CACNA1H: variants seen among roughly 807,000 people sequenced by gnomAD.
The protein encoded by CACNA1H is voltage-dependent T-type calcium channel subunit alpha-1H.
Under a neutral mutation model 192.5 loss-of-function variants are expected in CACNA1H, and 149 were observed. The ratio of observed to expected loss-of-function variants is 0.77; its 90% CI spans 0.68 to 0.89. The LOEUF is 0.89. Among genes scored for constraint, CACNA1H ranks in the 40% least tolerant of loss-of-function variants. The pLI is 0.00. For synonymous variants in CACNA1H, 2,202 were observed against 1,475.2 expected (o/e 1.49, Z -11.29); for missense variants, 4,257 against 3,423.5 (o/e 1.24, Z -6.08).
chr16:1,180,601 C>G lies in CACNA1H; in HGVS notation c.300-14371C>G, dbSNP rs1342803826. 6.6e-6 allele frequency among the ~76,000 whole-genome samples: 1 copy of G among 151,990 alleles called. No individual in the cohort carries two copies. Among genetic ancestry groups the G allele is most frequent in the Non-Finnish European group, 1.5e-5 (1 of 67,974 alleles). On this transcript the variant is annotated intron_variant, in intron 2 of 34. Transcript: ENST00000348261. The surrounding 1 kb of genome is among the most constrained non-coding windows in gnomAD (Gnocchi z 4.4). ...GGGGGGCCAGGGAGGAGGGGCTGCT[C>G]TCCATAGTGTGTCGGGTGGGGAGTG...
chr16:1,211,618 G>A lies in CACNA1H; in HGVS notation c.4476+12G>A, dbSNP rs757993233. ...ACAACCTGGGCCAGGTGGGCTGGGC[G>A]GCCGGGCGGGAGCTGGGGGTCTCCA... is the stretch of plus-strand genomic sequence containing the variant. On this transcript the variant is annotated intron_variant, in intron 23 of 34. Transcript: ENST00000348261. The A allele has an allele frequency of 1.9e-5, 30 of 1,608,936 alleles. No homozygotes were observed. The highest frequency in any genetic ancestry group is 1.8e-4 in the Admixed American group (11 of 59,602).
At chr16:1,207,895 G>T (rs376227287) in intron 15 of CACNA1H, 35 bp downstream of exon 15, 43 of 1,557,246 alleles carry the variant, frequency 2.8e-5, no homozygotes, top group Middle Eastern at 3.3e-4. Context: ...GGGTTCTGGC[G>T]GGTGGAGTAC....
chr16:1,218,935 G>T (rs1187061459), intron 33 of CACNA1H, 35 bp from the exon 34 acceptor site: 1 of 1,546,680 alleles, frequency 6.5e-7, no homozygotes, highest in African/African-American at 1.4e-5. Context: ...GAAGGCAGGG[G>T]CAGAGCTGCC....
intron 17 of CACNA1H, 48 bp from the exon 18 acceptor site, chr16:1,209,987 C>T (rs1219252775): frequency 9.8e-6 from 14 of 1,423,472 alleles, no homozygotes; most frequent in African/African-American, 1.4e-5. Flanking sequence ...TGATGGGGGG[C>T]CGGGCAGGCA....
At chr16:1,201,387 G>C (rs781488031) in intron 8 of CACNA1H, among the ~76,000 whole-genome samples, 6 of 152,170 alleles carry the variant, frequency 3.9e-5, no homozygotes, top group Non-Finnish European at 7.4e-5. Flanking sequence ...CTCAAGGCCA[G>C]ATCTGCAGGT....
chr16:1,211,789 T>C lies in CACNA1H; in HGVS notation c.4550T>C (p.Val1517Ala). ...VNIMYDGLDA[V>A]GVDQQPVQNH... is the part of the protein sequence containing the mutation. ...ATCATGTACGACGGGCTGGATGCCG[T>C]GGGTGTCGACCAGCAGGTGCGCACA... The change falls in exon 24 of 35, where the codon GTG becomes GCG. Residue 1517 changes from valine (V) to alanine (A), a missense_variant. Val to Ala is a moderately conservative substitution (Grantham distance 64). Coordinates refer to ENST00000348261, the MANE Select transcript of CACNA1H (RefSeq NM_021098.3). 6.2e-7 allele frequency: 1 copy of C among 1,612,562 alleles called. No individual in the cohort carries two copies. The highest frequency in any genetic ancestry group is 8.5e-7 in the Non-Finnish European group (1 of 1,179,686).
intron 2 of CACNA1H, among the ~76,000 whole-genome samples, chr16:1,175,110 TG>T (rs1363639784): frequency 6.6e-6 from 1 of 152,106 alleles, no homozygotes; most frequent in Non-Finnish European, 1.5e-5. Context: ...GAGGCCCCAC[TG>T]CGCGCGCAGG....
At position 1,166,504 on chromosome 16, in the gene CACNA1H, A is replaced by G. The variant is rs150304892; in HGVS notation, c.299+12468A>G. On this transcript the variant is annotated intron_variant, in intron 2 of 34. Transcript: ENST00000348261. ...AATTTATCCACCACCTAACTCGCCA[A>G]TGAAGGGTCCAATTCGGTCGTTCTC... is the stretch of plus-strand genomic sequence containing the variant. Among the ~76,000 whole-genome samples the G allele has an allele frequency of 3.8e-3, 577 of 152,270 alleles. 3 individuals carry two copies. Among genetic ancestry groups the G allele is most frequent in the African/African-American group, 9.3e-3 (388 of 41,546 alleles).
At chr16:1,209,442 A>G (rs1969163157) in intron 17 of CACNA1H, 30 bp downstream of exon 17, 4 of 1,587,700 alleles carry the variant, frequency 2.5e-6, no homozygotes. Context: ...CCCACCGCCG[A>G]CTCGCCTTCG....
chr16:1,178,319 G>A (rs1413116167), intron 2 of CACNA1H, among the ~76,000 whole-genome samples: 1 of 75,436 alleles, frequency 1.3e-5, no homozygotes, highest in African/African-American at 5.4e-5. Flanking sequence ...CTCCCCAGCC[G>A]CCTCATTTAC....
chr16:1,218,476 G>A lies in CACNA1H; in HGVS notation c.5712G>A (p.Glu1904=), dbSNP rs1372556971. 1.3e-6 allele frequency: 2 copies of A among 1,551,770 alleles called. No individual in the cohort carries two copies. Among genetic ancestry groups the A allele is most frequent in the Non-Finnish European group, 1.7e-6 (2 of 1,147,940 alleles). Residue 1904 remains glutamate (E), a synonymous_variant, in exon 33 of 35, where the codon GAG becomes GAA. Transcript: ENST00000348261. ...VDADRPPLPQ[E]SPGARDAPNL... The stretch of plus-strand genomic sequence containing the variant: ...CGGACAGGCCTCCCTTGCCCCAGGA[G>A]AGTCCGGGCGCCAGGGACGCCCCAA...
At chr16:1,181,464 C>A (rs893370317) in intron 2 of CACNA1H, among the ~76,000 whole-genome samples, 2 of 152,234 alleles carry the variant, frequency 1.3e-5, no homozygotes, top group East Asian at 3.8e-4. Context: ...CCTGGGTGGT[C>A]GTGCCCCCGA....
At position 1,207,294 on chromosome 16, in the gene CACNA1H, G is replaced by A; in HGVS notation, c.2927G>A (p.Trp976Ter). 6.2e-7 allele frequency: 1 copy of A among 1,609,872 alleles called. No individual in the cohort carries two copies. The highest frequency in any genetic ancestry group is 8.5e-7 in the Non-Finnish European group (1 of 1,178,182). ...TVFQILTQEDWNVVLYNGMAS... is the reference protein window; with the variant it reads ...TVFQILTQED ...CCCCAGATCCTGACCCAGGAGGACTGGAACGTGGTCCTGTACAACGGCATG... is the reference window on the plus strand; with the variant it reads ...CCCCAGATCCTGACCCAGGAGGACTAGAACGTGGTCCTGTACAACGGCATG... The change falls in exon 14 of 35, where the codon TGG becomes TAG. Residue 976 changes from tryptophan to a stop codon, truncating the protein, a stop_gained. Transcript: ENST00000348261. LOFTEE classifies it high-confidence loss of function.
chr16:1,203,985 C>A, intron 9 of CACNA1H, 25 bp from the exon 10 acceptor site: 2 of 1,501,968 alleles, frequency 1.3e-6, no homozygotes, highest in South Asian at 2.5e-5. Flanking sequence ...AGTGGGCCTG[C>A]CCCTGTCTGT....
rs776796915 is a variant in CACNA1H, at chr16:1,218,667, G to A, written c.5887+16G>A. On this transcript the variant is annotated intron_variant, in intron 33 of 34. Coordinates refer to ENST00000348261, the MANE Select transcript of CACNA1H (RefSeq NM_021098.3). ...ACCCCCTTGGGTATGGTAGCCAGCA[G>A]GAAGATATGGGCTGGGTGGGAAGCA... 2.0e-6 allele frequency: 3 copies of A among 1,521,760 alleles called. No individual in the cohort carries two copies. Among genetic ancestry groups the A allele is most frequent in the South Asian group, 1.3e-5 (1 of 78,644 alleles). The allele number at this position is 1,521,760 out of a possible 1,614,324, so 94.3% of individuals were successfully genotyped here. A position where few individuals can be genotyped will look rare whatever the true frequency, so the allele number is the denominator to read the frequency against.
rs1467292400 is a variant in CACNA1H at position 1,200,475 on chromosome 16, C to T, written c.1023C>T (p.Asn341=). The change falls in exon 7 of 35, where the codon AAC becomes AAT. Residue 341 remains asparagine, a synonymous_variant. Coordinates refer to ENST00000348261, the MANE Select transcript of CACNA1H (RefSeq NM_021098.3). ...CACGCAACGCCTGCATCAACTGGAACCAGTACTACAACGTGTGCCGCTCGG... is the reference window on the plus strand; with the variant it reads ...CACGCAACGCCTGCATCAACTGGAATCAGTACTACAACGTGTGCCGCTCGG... ...GAARNACINW[N]QYYNVCRSGD... The T allele has an allele frequency of 3.1e-6, 5 of 1,612,046 alleles. No homozygotes were observed. The highest frequency in any genetic ancestry group is 1.7e-5 in the Admixed American group (1 of 59,992).
At position 1,164,583 on chromosome 16, in the gene CACNA1H, C is replaced by T. The variant is rs34400198; in HGVS notation, c.299+10547C>T. ...GTGGCCTGCAGCGTGGGCACAGGGG[C>T]GATTTGGACCCCGGGCGGTGCCGAG... On this transcript the variant is annotated intron_variant, in intron 2 of 34. Coordinates refer to ENST00000348261, the MANE Select transcript of CACNA1H (RefSeq NM_021098.3). Among the ~76,000 whole-genome samples, 964 of 152,346 alleles carry T rather than the reference C, an allele frequency of 6.3e-3. 5 individuals carry two copies. Among genetic ancestry groups the T allele is most frequent in the South Asian group, 0.015 (72 of 4,830 alleles).
chr16:1,181,128 C>T (rs1965420954), intron 2 of CACNA1H, among the ~76,000 whole-genome samples: 3 of 152,360 alleles, frequency 2.0e-5, no homozygotes, highest in African/African-American at 7.2e-5. Context: ...ACAGGCCCGT[C>T]CCAGGGGCAG....
At chr16:1,165,801 A>G (rs1360759826) in intron 2 of CACNA1H, among the ~76,000 whole-genome samples, 8 of 152,144 alleles carry the variant, frequency 5.3e-5, no homozygotes, top group Non-Finnish European at 1.2e-4. Context: ...AGATGAACCC[A>G]TCAGCCCATG....
Sources: allele counts gnomAD v4.1 joint callset (sites outside exome capture counted in the v4.1 genomes callset), GRCh38; gene constraint gnomAD v4.1.1; non-coding constraint Gnocchi (gnomAD v3.1); transcripts MANE v1.5; gene names NCBI Gene and HGNC (gene_info 2026-07-23, HGNC 2026-07-21).